Variants in PRSS12 observed in about 807,000 individuals in gnomAD.
The protein encoded by PRSS12 is neurotrypsin.
Under a neutral mutation model 104.4 loss-of-function variants are expected in PRSS12, and 85 were observed. The observed-to-expected ratio is 0.81, with a 90% CI of 0.68 to 0.98. The LOEUF (loss-of-function observed/expected upper bound fraction) is 0.98, where lower values mean the gene tolerates loss of function less well. Ranked by LOEUF, PRSS12 falls within the 50% of genes least tolerant of loss-of-function variation. PRSS12 has a pLI of 0.00. For synonymous variants in PRSS12, 454 were observed against 425.2 expected, an observed-to-expected ratio of 1.07 and a Z score of -0.83; for missense variants, 1,141 against 1,139.2, an observed-to-expected ratio of 1.00 and a Z score of -0.02.
intron 9 of PRSS12, among the ~76,000 whole-genome samples, chr4:118,296,752 G>C (rs997058617): frequency 1.3e-5 from 2 of 152,086 alleles, no homozygotes; most frequent in Admixed American, 1.3e-4. Context: ...TTTCTTGGTG[G>C]AGAAAGACGT....
intron 8 of PRSS12, among the ~76,000 whole-genome samples, chr4:118,308,006 G>A (rs2126032044): frequency 6.6e-6 from 1 of 152,276 alleles, no homozygotes; most frequent in South Asian, 2.1e-4. Flanking sequence ...TAGGAGCAAT[G>A]GCTCAGCATT....
In PRSS12 at chr4:118,280,371, T is replaced by A. The variant is rs1389873387; in HGVS notation, c.*1565A>T. 1.5e-5 allele frequency: 2 copies of A among 135,494 alleles called. No individual in the cohort carries two copies. Among genetic ancestry groups the A allele is most frequent in the Non-Finnish European group, 3.5e-5 (2 of 56,870 alleles). 8.4% of individuals were successfully genotyped at this position (135,494 alleles called of 1,614,324 possible). A position where few individuals can be genotyped will look rare whatever the true frequency, so the allele number is the denominator to read the frequency against. On this transcript the variant is annotated 3_prime_UTR_variant, in exon 13 of 13. Transcript: ENST00000296498. The stretch of plus-strand genomic sequence containing the variant: ...TTCTATTTACATATAAACGCTACTT[T>A]AAAAGTTTATCAAAATCATGAGTTT...
rs1427346141 is a variant in PRSS12, at chr4:118,299,737, A to AAAAT, written c.1632-803_1632-800dup. Among the ~76,000 whole-genome samples, 663 of 78,056 alleles carry AAAAT rather than the reference A, an allele frequency of 8.5e-3. 13 individuals are homozygous for AAAAT. The highest frequency in any genetic ancestry group is 0.025 in the African/African-American group (596 of 24,258). The allele number at this position is 78,056 out of a possible 152,430, so 51.2% of individuals were successfully genotyped here. A position where few individuals can be genotyped will look rare whatever the true frequency, so the allele number is the denominator to read the frequency against. ...TAAATAAAATAAAATAAAATAAAAT[A>AAAAT]AAATAAAATAAATAAAATAAATAAA... On this transcript the variant is annotated intron_variant, in intron 8 of 12. Coordinates refer to ENST00000296498, the MANE Select transcript of PRSS12 (RefSeq NM_003619.4).
chr4:118,331,692 A>C, intron 4 of PRSS12, 24 bp downstream of exon 4: 3 of 1,614,078 alleles, frequency 1.9e-6, no homozygotes, highest in Non-Finnish European at 1.7e-6. Flanking sequence ...AAGTTTAAGC[A>C]AAACAAGAGT....
intron 4 of PRSS12, among the ~76,000 whole-genome samples, chr4:118,328,474 A>G (rs1723836522): frequency 6.6e-6 from 1 of 152,176 alleles, no homozygotes; most frequent in African/African-American, 2.4e-5. Flanking sequence ...TTCTATCTCT[A>G]TATTTTTTCT....
At position 118,352,722 on chromosome 4, in the gene PRSS12, G is replaced by A; in HGVS notation, c.-2C>T. The A allele has an allele frequency of 6.2e-7, 1 of 1,612,704 alleles. No homozygotes were observed. Among genetic ancestry groups the A allele is most frequent in the Non-Finnish European group, 8.5e-7 (1 of 1,179,268 alleles). On this transcript the variant is annotated 5_prime_UTR_variant, in exon 1 of 13. Coordinates refer to ENST00000296498, the MANE Select transcript of PRSS12 (RefSeq NM_003619.4). ...TAGCACGAAGCGGGCGAGCGTCATG[G>A]TGCCAGCGCTGCGGGGTCTGGTCCA...
At chr4:118,309,393 A>G (rs907723110) in intron 7 of PRSS12, among the ~76,000 whole-genome samples, 2 of 152,140 alleles carry the variant, frequency 1.3e-5, no homozygotes, top group Non-Finnish European at 1.5e-5. Flanking sequence ...TAAAATTGAG[A>G]AATTTAGACA....
intron 1 of PRSS12, among the ~76,000 whole-genome samples, chr4:118,347,010 G>A (rs1007265993): frequency 5.3e-5 from 8 of 151,514 alleles, no homozygotes; most frequent in Non-Finnish European, 1.2e-4. Flanking sequence ...GACCACATAA[G>A]TAAATATACA....
At chr4:118,300,519 A>G (rs1369805127) in intron 8 of PRSS12, among the ~76,000 whole-genome samples, 3 of 152,196 alleles carry the variant, frequency 2.0e-5, no homozygotes, top group African/African-American at 7.2e-5. Context: ...CAAAGGCAAA[A>G]GCTTTCAAGC....
At chr4:118,311,663 T>C (rs1314929407) in intron 7 of PRSS12, among the ~76,000 whole-genome samples, 2 of 152,196 alleles carry the variant, frequency 1.3e-5, no homozygotes, top group East Asian at 3.8e-4. Flanking sequence ...ATTACTGAGA[T>C]TAGAACCAAA....
intron 11 of PRSS12, among the ~76,000 whole-genome samples, chr4:118,292,798 T>C (rs1351832325): frequency 3.3e-5 from 5 of 152,018 alleles, no homozygotes; most frequent in African/African-American, 2.4e-5. Context: ...GCAGATCACT[T>C]GAGGTCAGGA....
At chr4:118,310,343 C>G (rs1470632539) in intron 7 of PRSS12, among the ~76,000 whole-genome samples, 1 of 152,146 alleles carries the variant, frequency 6.6e-6, no homozygotes, top group Non-Finnish European at 1.5e-5. Flanking sequence ...TTCATATACT[C>G]TGAAAATAAA....
chr4:118,348,107 T>C lies in PRSS12; in HGVS notation c.502+4112A>G, dbSNP rs964234431. 2.6e-5 allele frequency among the ~76,000 whole-genome samples: 4 copies of C among 152,144 alleles called. No individual in the cohort carries two copies. The East Asian group carries it at 7.7e-4, about 29-fold the overall frequency. ...TAATAATAATAAATTAGCTGGACTG[T>C]AGTCCCAGCTACTTCAGAGGCCAAG... On this transcript the variant is annotated intron_variant, in intron 1 of 12. Transcript: ENST00000296498.
chr4:118,309,897 T>G (rs1011465300), intron 7 of PRSS12, among the ~76,000 whole-genome samples: 1 of 152,238 alleles, frequency 6.6e-6, no homozygotes, highest in Non-Finnish European at 1.5e-5. Context: ...CTGACCCATT[T>G]TTTACTTCTC....
intron 11 of PRSS12, among the ~76,000 whole-genome samples, chr4:118,288,514 C>A (rs1317574412): frequency 6.6e-6 from 1 of 152,164 alleles, no homozygotes; most frequent in Non-Finnish European, 1.5e-5. Flanking sequence ...GCTACTATTG[C>A]ATTTCTAGGG....
intron 7 of PRSS12, among the ~76,000 whole-genome samples, chr4:118,310,308 A>G (rs1743674708): frequency 6.6e-6 from 1 of 152,230 alleles, no homozygotes; most frequent in Admixed American, 6.5e-5. Context: ...TACATGTTCC[A>G]TTCTGGTAGT....
At chr4:118,291,199 C>T (rs566824391) in intron 11 of PRSS12, among the ~76,000 whole-genome samples, 34 of 152,238 alleles carry the variant, frequency 2.2e-4, no homozygotes, top group African/African-American at 7.2e-4. Flanking sequence ...AAAGAGGAAT[C>T]CATAACCCTG....
chr4:118,339,739 T>C (rs1385846498), intron 1 of PRSS12, among the ~76,000 whole-genome samples: 1 of 152,196 alleles, frequency 6.6e-6, no homozygotes, highest in Non-Finnish European at 1.5e-5. Flanking sequence ...CTACAGAATA[T>C]TTTTAAGGAA....
chr4:118,305,789 T>C (rs1332903122), intron 8 of PRSS12, among the ~76,000 whole-genome samples: 2 of 152,192 alleles, frequency 1.3e-5, no homozygotes, highest in African/African-American at 4.8e-5. Context: ...TTTATACCCA[T>C]TGAAAAATAA....
Sources: gnomAD v4.1 joint callset for allele counts (sites outside exome capture counted in the v4.1 genomes callset) on GRCh38, gnomAD v4.1.1 for gene constraint, MANE v1.5 for transcripts, NCBI Gene and HGNC (gene_info 2026-07-23, HGNC 2026-07-21) for gene names.